Variants in PMEPA1 observed in about 807,000 individuals in gnomAD.
The protein encoded by PMEPA1 is prostate transmembrane protein, androgen induced 1, also known as protein TMEPAI.
In PMEPA1, 11 loss-of-function variants were observed where a neutral mutation model predicts 23.0. The observed-to-expected ratio is 0.48, with a 90% confidence interval of 0.30 to 0.79. PMEPA1 has a LOEUF of 0.79. Ranked by LOEUF, PMEPA1 falls within the 30% of genes least tolerant of loss-of-function variation. The probability of loss-of-function intolerance (pLI) is 0.06; values close to 1 mark genes in which losing one functional copy is unlikely to be tolerated. For missense variants in PMEPA1, 377 were observed against 390.9 expected, an observed-to-expected ratio of 0.96 and a Z score of 0.30; for synonymous variants, 204 against 166.4, an observed-to-expected ratio of 1.23 and a Z score of -1.74.
intron 1 of PMEPA1, among the ~76,000 whole-genome samples, chr20:57,701,097 T>C (rs1176321016): frequency 6.6e-6 from 1 of 151,720 alleles, no homozygotes; most frequent in Non-Finnish European, 1.5e-5. Context: ...CAGACTATAG[T>C]TCGAATCTTT....
intron 1 of PMEPA1, among the ~76,000 whole-genome samples, chr20:57,679,305 T>C (rs1481612225): frequency 1.3e-5 from 2 of 152,160 alleles, no homozygotes; most frequent in African/African-American, 4.8e-5. Flanking sequence ...TCCTGGGGCA[T>C]AGCATGAAGA....
At chr20:57,660,677 C>G (rs2071404020) in intron 1 of PMEPA1, among the ~76,000 whole-genome samples, 1 of 144,992 alleles carries the variant, frequency 6.9e-6, no homozygotes, top group African/African-American at 2.7e-5. Flanking sequence ...CACATCAACA[C>G]CAACACATGA....
chr20:57,692,115 G>A (rs1418628596), intron 1 of PMEPA1, among the ~76,000 whole-genome samples: 7 of 152,120 alleles, frequency 4.6e-5, no homozygotes, highest in Non-Finnish European at 8.8e-5. Flanking sequence ...TTTGTTTCTC[G>A]AGCATTTACA....
upstream of PMEPA1, chr20:57,711,110 T>G (rs2072175462): frequency 6.6e-6 from 1 of 152,212 alleles, no homozygotes; most frequent in African/African-American, 2.4e-5. Context: ...CCCAGGACCC[T>G]GGGGAGCTGC....
Position 57,709,780 on chromosome 20 carries a change from C to T in PMEPA1, c.-198G>A, listed in dbSNP as rs2072144486. ...GTGCGCGGGACCGCGCTCCGCTGCG[C>T]CCCCCCGGCCTCCCCTCGGCAGCCC... On this transcript the variant is annotated 5_prime_UTR_variant, in exon 1 of 4. Transcript: ENST00000341744. 7 of 978,048 alleles carry T rather than the reference C, an allele frequency of 7.2e-6. No individual in the cohort carries two copies. The highest frequency in any genetic ancestry group is 4.6e-5 in the South Asian group (1 of 21,720). The allele number at this position is 978,048 out of a possible 1,614,324, so 60.6% of individuals were successfully genotyped here.
chr20:57,683,571 G>GTGTA lies in PMEPA1; in HGVS notation c.110-23875_110-23874insTACA, dbSNP rs1221607687. Among the ~76,000 whole-genome samples the GTGTA allele has an allele frequency of 2.0e-5, 3 of 151,986 alleles. No homozygotes were observed. In the East Asian group the frequency reaches 5.8e-4, roughly 29 times the overall value. ...CCTGTGTGCGTGTGTGTGTGTGTGT[G>GTGTA]TGTGTGTGTGTGTTTCTTTTAAAAG... On this transcript the variant is annotated intron_variant, in intron 1 of 3. Transcript: ENST00000341744. This position sits in a 1 kb window ranked among gnomAD's most constrained non-coding sequence, Gnocchi z 4.3.
intron 1 of PMEPA1, among the ~76,000 whole-genome samples, chr20:57,689,517 G>A (rs1051825736): frequency 2.6e-5 from 4 of 152,214 alleles, no homozygotes; most frequent in Non-Finnish European, 5.9e-5. Context: ...ACCCAGCACC[G>A]GGAATCGGAC....
At position 57,652,570 on chromosome 20, in the gene PMEPA1, G is replaced by A; in HGVS notation, c.347C>T (p.Thr116Ile). The change falls in exon 4 of 4, where the codon ACC (threonine) becomes ATC (isoleucine). Residue 116 changes from threonine (T) to isoleucine (I), a missense_variant. Physicochemically the swap from Thr to Ile is moderately conservative, Grantham distance 89. Around this residue, in one of 3 missense-constraint regions of PMEPA1, gnomAD observed 198 missense variants for 196.3 expected, o/e 1.01. Coordinates refer to ENST00000341744, the MANE Select transcript of PMEPA1 (RefSeq NM_020182.5). This position sits in a 1 kb window ranked among gnomAD's most constrained non-coding sequence, Gnocchi z 6.1. ...GAAGGGCGGCACGGCCAGGCGGTCG[G>A]TGGGCCGAGGCGGGGCGTAGACCTG... ...EPQVYAPPRP[T>I]DRLAVPPFAQ... is the part of the protein sequence containing the mutation. The A allele has an allele frequency of 6.6e-7, 1 of 1,514,008 alleles. No homozygotes were observed. The allele number at this position is 1,514,008 out of a possible 1,614,324, so 93.8% of individuals were successfully genotyped here.
intron 1 of PMEPA1, among the ~76,000 whole-genome samples, chr20:57,659,939 T>A (rs2071390158): frequency 6.6e-6 from 1 of 152,120 alleles, no homozygotes; most frequent in Non-Finnish European, 1.5e-5. Context: ...CTCAAAGGTG[T>A]CCTGGGACCC....
intron 2 of PMEPA1, among the ~76,000 whole-genome samples, chr20:57,654,191 T>C (rs576327806): frequency 6.6e-6 from 1 of 152,190 alleles, no homozygotes; most frequent in Admixed American, 6.5e-5. Flanking sequence ...CGGTGAGCCC[T>C]GGGCCCGGGG....
rs1362164723 is a variant in PMEPA1, at chr20:57,652,078, T to A, written c.839A>T (p.Asp280Val). Residue 280 changes from aspartate to valine, a missense_variant, in exon 4 of 4, where the codon GAT (aspartate) becomes GTT (valine). By Grantham distance (152) the Asp-to-Val change is radical. Coordinates refer to ENST00000341744, the MANE Select transcript of PMEPA1 (RefSeq NM_020182.5). This position sits in a 1 kb window ranked among gnomAD's most constrained non-coding sequence, Gnocchi z 6.1. The part of the protein sequence containing the change: ...ESAAIWSKEK[D>V]KQKGHPL ...CTAGAGAGGGTGTCCTTTCTGTTTA[T>A]CCTTCTCTTTGCTCCAGATGGCTGC... is the stretch of plus-strand genomic sequence containing the variant. 6.5e-7 allele frequency: 1 copy of A among 1,527,828 alleles called. No individual in the cohort carries two copies. The highest frequency in any genetic ancestry group is 8.8e-7 in the Non-Finnish European group (1 of 1,133,294). The allele number at this position is 1,527,828 out of a possible 1,614,324, so 94.6% of individuals were successfully genotyped here. A position where few individuals can be genotyped will look rare whatever the true frequency, so the allele number is the denominator to read the frequency against.
intron 1 of PMEPA1, among the ~76,000 whole-genome samples, chr20:57,672,068 T>C (rs1198253093): frequency 1.3e-5 from 2 of 152,282 alleles, no homozygotes; most frequent in South Asian, 2.1e-4. Context: ...AAATTGTTCA[T>C]GATGACTTCT....
rs2071217521 is a variant in PMEPA1 at position 57,650,903 on chromosome 20, A to G, written c.*1150T>C. 1 of 152,232 alleles carries G rather than the reference A, an allele frequency of 6.6e-6. No homozygotes were observed. Among genetic ancestry groups the G allele is most frequent in the African/African-American group, 2.4e-5 (1 of 41,454 alleles). The allele number at this position is 152,232 out of a possible 1,614,324, so 9.4% of individuals were successfully genotyped here. A position where few individuals can be genotyped will look rare whatever the true frequency, so the allele number is the denominator to read the frequency against. On this transcript the variant is annotated 3_prime_UTR_variant, in exon 4 of 4. Coordinates refer to ENST00000341744, the MANE Select transcript of PMEPA1 (RefSeq NM_020182.5). ...TGCCTTCACCGGTGAACCTTTAGCC[A>G]GCTGAACAACCACCAAAGCGCCCTG...
chr20:57,699,918 CAT>C (rs1483027775), intron 1 of PMEPA1: 6 of 410,860 alleles, frequency 1.5e-5, no homozygotes, highest in South Asian at 3.6e-5. Flanking sequence ...TTGGAACGCA[CAT>C]GTTTCGACAG....
chr20:57,673,510 G>A (rs2071597169), intron 1 of PMEPA1, among the ~76,000 whole-genome samples: 1 of 152,170 alleles, frequency 6.6e-6, no homozygotes, highest in African/African-American at 2.4e-5. Context: ...GCCGGCATGA[G>A]CCCGGCATGC....
intron 1 of PMEPA1, among the ~76,000 whole-genome samples, chr20:57,695,908 T>G (rs886346346): frequency 5.3e-5 from 8 of 152,094 alleles, no homozygotes; most frequent in Non-Finnish European, 5.9e-5. Flanking sequence ...TCAGGTGGTG[T>G]TAATGTGTGG....
chr20:57,676,797 G>A (rs1395227396), intron 1 of PMEPA1, among the ~76,000 whole-genome samples: 1 of 152,170 alleles, frequency 6.6e-6, no homozygotes, highest in African/African-American at 2.4e-5. Flanking sequence ...GGAGGAGAGA[G>A]AACCTTGGCG....
rs2071471786 is a variant in PMEPA1 at position 57,664,866 on chromosome 20, A to G, written c.110-5169T>C. Among the ~76,000 whole-genome samples, 3 of 152,350 alleles carry G rather than the reference A, an allele frequency of 2.0e-5. No individual in the cohort carries two copies. The South Asian group carries it at 6.2e-4, about 32-fold the overall frequency. On this transcript the variant is annotated intron_variant, in intron 1 of 3. Transcript: ENST00000341744. ...GCAGGCGGCTTCAGGACTTCTGGCC[A>G]AGAGTTGGGCCCCAGGTCACTTAGT...
rs944201524 is a variant in PMEPA1 at position 57,708,111 on chromosome 20, G to T, written c.109+1363C>A. On this transcript the variant is annotated intron_variant, in intron 1 of 3. Coordinates refer to ENST00000341744, the MANE Select transcript of PMEPA1 (RefSeq NM_020182.5). ...GCCAGCCTGGTTATTTTTACCACTT[G>T]AAGCTCACTGTATAGGCTCAGGGGC... Among the ~76,000 whole-genome samples the T allele has an allele frequency of 1.9e-4, 29 of 152,334 alleles. 1 individual carries two copies. Among genetic ancestry groups the T allele is most frequent in the Admixed American group, 1.6e-3 (25 of 15,306 alleles).
Sources: allele counts gnomAD v4.1 joint callset (sites outside exome capture counted in the v4.1 genomes callset), GRCh38; gene constraint gnomAD v4.1.1; regional missense constraint gnomAD v4.1.1; non-coding constraint Gnocchi (gnomAD v3.1); transcripts MANE v1.5; gene names NCBI Gene and HGNC (gene_info 2026-07-23, HGNC 2026-07-21).